CR2: variants seen among roughly 807,000 people sequenced by gnomAD.
CR2 encodes complement C3d receptor 2, also known as complement receptor type 2.
A neutral mutation model predicts 123.0 loss-of-function variants in CR2; 96 were observed. The observed-to-expected ratio is 0.78, with a 90% CI of 0.66 to 0.93. CR2 has a LOEUF of 0.93. Among genes scored for constraint, CR2 ranks in the 40% least tolerant of loss-of-function variants. The pLI is 0.00. For missense variants in CR2, 1,258 were observed against 1,361.0 expected, an observed-to-expected ratio of 0.92 and a Z score of 1.19; for synonymous variants, 484 against 469.5, an observed-to-expected ratio of 1.03 and a Z score of -0.40.
intron 1 of CR2, among the ~76,000 whole-genome samples, chr1:207,464,049 A>G (rs1658029487): frequency 6.6e-6 from 1 of 152,184 alleles, no homozygotes; most frequent in South Asian, 2.1e-4. Context: ...TTTCATAGTG[A>G]GTAAATGCTT....
rs1248758541 is a variant in CR2 at position 207,468,573 on chromosome 1, T to C, written c.492T>C (p.His164=). 3.7e-6 allele frequency: 6 copies of C among 1,613,900 alleles called. No homozygotes were observed. The Admixed American group carries it at 1.0e-4, about 27-fold the overall frequency. The change falls in exon 3 of 20, where the codon CAT becomes CAC. Residue 164 remains histidine (H), a synonymous_variant. Transcript: ENST00000367057. ...CPALPMIHNG[H]HTSENVGSIA... ...CACTTCCTATGATCCACAATGGACA[T>C]CACACAAGTGAGAATGTTGGCTCCA...
chr1:207,472,809 G>A lies in CR2; in HGVS notation c.1608G>A (p.Gly536=). The change falls in exon 10 of 20, where the codon GGG becomes GGA. Residue 536 remains glycine (G), a synonymous_variant. Transcript: ENST00000367057. ...TCPPPPVIYN[G]AHTGSSLEDF... ...CACCACCCCCTGTTATCTACAATGG[G>A]GCACACACCGGGAGTTCCTTAGAAG... is the stretch of plus-strand genomic sequence containing the variant. The A allele has an allele frequency of 6.2e-7, 1 of 1,613,794 alleles. No homozygotes were observed. Among genetic ancestry groups the A allele is most frequent in the Non-Finnish European group, 8.5e-7 (1 of 1,179,910 alleles).
Position 207,466,610 on chromosome 1 carries a change from G to A in CR2, c.143G>A (p.Arg48Lys). The A allele has an allele frequency of 6.2e-7, 1 of 1,613,992 alleles. No homozygotes were observed. Among genetic ancestry groups the A allele is most frequent in the Non-Finnish European group, 8.5e-7 (1 of 1,179,968 alleles). ...CCCATTGCTGTTGGTACCGTGATAA[G>A]GTACAGTTGTTCAGGTACCTTCCGC... is the stretch of plus-strand genomic sequence containing the variant. ...STPIAVGTVI[R>K]YSCSGTFRLI... Residue 48 changes from arginine (R) to lysine (K), a missense_variant, in exon 2 of 20, where the codon AGG becomes AAG. Arg to Lys is a conservative substitution (Grantham distance 26). Coordinates refer to ENST00000367057, the MANE Select transcript of CR2 (RefSeq NM_001006658.3).
chr1:207,459,323 T>G (rs1238895012), intron 1 of CR2, among the ~76,000 whole-genome samples: 1 of 143,478 alleles, frequency 7.0e-6, no homozygotes, highest in African/African-American at 2.7e-5. Flanking sequence ...TTTTTGTTGT[T>G]TTTTTTTTTA....
chr1:207,468,296 T>C (rs1239898390), intron 2 of CR2: 1 of 554,280 alleles, frequency 1.8e-6, no homozygotes, highest in African/African-American at 1.9e-5. Flanking sequence ...TGGCTTTGAA[T>C]GTGGCCCAAC....
chr1:207,479,384 G>A (rs1262928101), intron 17 of CR2, 104 bp downstream of exon 17: 1 of 797,144 alleles, frequency 1.3e-6, no homozygotes, highest in Non-Finnish European at 2.1e-6. Flanking sequence ...TAACTCATAG[G>A]GAATGTTCTC....
chr1:207,475,206 T>C lies in CR2; in HGVS notation c.2706T>C (p.Cys902=), dbSNP rs752522214. The C allele has an allele frequency of 4.3e-6, 7 of 1,613,468 alleles. No individual in the cohort carries two copies. Among genetic ancestry groups the C allele is most frequent in the Non-Finnish European group, 5.9e-6 (7 of 1,179,790 alleles). The change falls in exon 14 of 20, where the codon TGT becomes TGC. Residue 902 remains cysteine, a synonymous_variant. Transcript: ENST00000367057. ...CATGGGTGCCAGGTGTGCCAACTTG[T>C]ATCAAAAAAGGTAAGATACTTGGAA... ...DNTWVPGVPT[C]IKKAFIGCPP...
At chr1:207,464,569 G>C (rs992719938) in intron 1 of CR2, among the ~76,000 whole-genome samples, 1 of 152,188 alleles carries the variant, frequency 6.6e-6, no homozygotes, top group African/African-American at 2.4e-5. Flanking sequence ...TGGAGCTCTG[G>C]AGCAACCCTC....
chr1:207,476,168 C>T, intron 14 of CR2, 66 bp from the exon 15 acceptor site: 1 of 1,484,022 alleles, frequency 6.7e-7, no homozygotes, highest in Non-Finnish European at 9.4e-7. Context: ...CGCTATCACC[C>T]AGAGATAGTG....
rs937641582 is a variant in CR2, at chr1:207,476,333, G to A, written c.2816G>A (p.Cys939Tyr). The change falls in exon 15 of 20, where the codon TGT (cysteine) becomes TAT (tyrosine). Residue 939 changes from cysteine (C) to tyrosine (Y), a missense_variant. Coordinates refer to ENST00000367057, the MANE Select transcript of CR2 (RefSeq NM_001006658.3). ...FSPGMSILYSCDQGYLLVGEA... is the reference protein window; with the variant it reads ...FSPGMSILYSYDQGYLLVGEA... ...CCTGGAATGTCAATCCTGTACAGCT[G>A]TGACCAAGGCTACCTGCTGGTGGGA... The A allele has an allele frequency of 6.2e-7, 1 of 1,613,900 alleles. No individual in the cohort carries two copies. Among genetic ancestry groups the A allele is most frequent in the African/African-American group, 1.3e-5 (1 of 74,926 alleles).
intron 9 of CR2, chr1:207,472,020 G>A (rs925546132): frequency 1.1e-5 from 2 of 184,328 alleles, no homozygotes; most frequent in Admixed American, 5.4e-5. Context: ...GAGGCTGAGG[G>A]CGGCAGATCA....
intron 1 of CR2, among the ~76,000 whole-genome samples, chr1:207,465,742 G>A (rs545696275): frequency 2.0e-5 from 3 of 152,280 alleles, no homozygotes; most frequent in South Asian, 2.1e-4. Context: ...CAGAAAAGGC[G>A]TGCATAACAA....
rs58340911 is a variant in CR2, at chr1:207,478,383, C to T, written c.3088+313C>T. Among the ~76,000 whole-genome samples the T allele has an allele frequency of 9.7e-3, 1,469 of 150,982 alleles. 27 individuals are homozygous for T. The highest frequency in any genetic ancestry group is 0.034 in the African/African-American group (1,399 of 41,212). On this transcript the variant is annotated intron_variant, in intron 16 of 19. Transcript: ENST00000367057. The stretch of plus-strand genomic sequence containing the variant: ...ACCAAAAAAAAAATAATAATAATAA[C>T]CAGGCATGGAGGTGTGCACCTGTGG...
intron 16 of CR2, among the ~76,000 whole-genome samples, chr1:207,478,423 G>T (rs1367689139): frequency 6.7e-6 from 1 of 149,992 alleles, no homozygotes; most frequent in African/African-American, 2.5e-5. Context: ...AGCTACTCGG[G>T]TAGCTGAGAT....
At chr1:207,474,366 T>C (rs372595469) in intron 13 of CR2, 43 bp downstream of exon 13, 14 of 1,393,274 alleles carry the variant, frequency 1.0e-5, no homozygotes, top group Non-Finnish European at 1.4e-5. Context: ...TAATGGAGGA[T>C]TAGAGAGGGC....
chr1:207,476,172 G>C (rs1658431791), intron 14 of CR2, 62 bp from the exon 15 acceptor site: 3 of 1,507,864 alleles, frequency 2.0e-6, no homozygotes, highest in Non-Finnish European at 2.8e-6. Flanking sequence ...ATCACCCAGA[G>C]ATAGTGCAGG....
chr1:207,460,930 T>G (rs568825056), intron 1 of CR2, among the ~76,000 whole-genome samples: 21 of 152,276 alleles, frequency 1.4e-4, no homozygotes, highest in African/African-American at 4.8e-4. Flanking sequence ...CTCTAGGCAT[T>G]AACGGTTTAA....
intron 18 of CR2, among the ~76,000 whole-genome samples, chr1:207,480,308 C>T (rs1298494654): frequency 1.3e-5 from 2 of 151,968 alleles, no homozygotes; most frequent in African/African-American, 4.8e-5. Context: ...GAAAAAAATC[C>T]CAGTGGGAAC....
Position 207,475,164 on chromosome 1 carries a change from G to A in CR2, c.2664G>A (p.Arg888=). ...GFIMNGSRVI[R]CHTDNTWVPG... ...TCATGAATGGTAGTCGCGTGATTAG[G>A]TGTCATACTGATAACACATGGGTGC... The change falls in exon 14 of 20, where the codon AGG becomes AGA. Residue 888 remains arginine, a synonymous_variant. Coordinates refer to ENST00000367057, the MANE Select transcript of CR2 (RefSeq NM_001006658.3). 6.2e-7 allele frequency: 1 copy of A among 1,613,326 alleles called. No individual in the cohort carries two copies. The highest frequency in any genetic ancestry group is 8.5e-7 in the Non-Finnish European group (1 of 1,179,734).
Sources: allele counts gnomAD v4.1 joint callset (sites outside exome capture counted in the v4.1 genomes callset), GRCh38; gene constraint gnomAD v4.1.1; transcripts MANE v1.5; gene names NCBI Gene and HGNC (gene_info 2026-07-23, HGNC 2026-07-21).